Variants in ZNF254 observed in about 807,000 individuals in gnomAD.
ZNF254 encodes CTD-2017D11.1.
ZNF254 carries 10 observed loss-of-function variants against 12.4 expected under a neutral mutation model. The ratio of observed to expected loss-of-function variants is 0.80; its 90% CI spans 0.50 to 1.36. The LOEUF is 1.36. ZNF254 is among the 40% of genes most tolerant of loss of function. ZNF254 has a pLI of 0.00. For synonymous variants in ZNF254, 305 were observed against 253.4 expected (o/e 1.20, Z -1.93); for missense variants, 996 against 763.9 (o/e 1.30, Z -3.58).
In ZNF254 at chr19:24,049,230, T is replaced by TTTA. The variant is rs1555751754; in HGVS notation, c.-94+2951_-94+2952insTTA. On this transcript the variant is annotated intron_variant, in intron 2 of 4. Coordinates refer to the ZNF254 transcript ENST00000613065. ...TATATATATATTTTTTTTTTTTTTT[T>TTTA]AATTTATTTATTATTTTTTAATATA... Among the ~76,000 whole-genome samples, 10 of 121,144 alleles carry TTTA rather than the reference T, an allele frequency of 8.3e-5. No individual in the cohort carries two copies. The East Asian group carries it at 2.5e-3, about 30-fold the overall frequency. The allele number at this position is 121,144 out of a possible 152,430, so 79.5% of individuals were successfully genotyped here. A position where few individuals can be genotyped will look rare whatever the true frequency, so the allele number is the denominator to read the frequency against.
chr19:24,034,646 G>A (rs1446202064), intron 1 of ZNF254, among the ~76,000 whole-genome samples: 1 of 151,602 alleles, frequency 6.6e-6, no homozygotes, highest in Non-Finnish European at 1.5e-5. Flanking sequence ...CAGGCGACCC[G>A]ACGCCCAGCT....
At chr19:24,057,364 G>C (rs17272037) in intron 2 of ZNF254, among the ~76,000 whole-genome samples, 22,576 of 152,156 alleles carry the variant, frequency 0.15, 1,936 homozygotes, top group Middle Eastern at 0.23. Context: ...AGCTTATAGG[G>C]AGGTAACAAC....
chr19:24,086,566 C>T (rs1972048404), upstream of ZNF254, among the ~76,000 whole-genome samples: 1 of 152,094 alleles, frequency 6.6e-6, no homozygotes, highest in Admixed American at 6.5e-5. Context: ...CAGCCTCCAC[C>T]TCCCAGGTTC....
chr19:24,126,122 A>G lies in ZNF254; in HGVS notation c.254-132A>G, dbSNP rs1974816622. ...TTGTTACATTTATGTCTATGAAAGAATTAGAGCCTGTGGTATTTTGCAATG... is the reference window on the plus strand; with the variant it reads ...TTGTTACATTTATGTCTATGAAAGAGTTAGAGCCTGTGGTATTTTGCAATG... On this transcript the variant is annotated intron_variant, in intron 3 of 3. Transcript: ENST00000357002. 9.3e-6 allele frequency: 5 copies of G among 535,358 alleles called. No homozygotes were observed. In the East Asian group the frequency reaches 1.7e-4, roughly 18 times the overall value. 33.2% of individuals were successfully genotyped at this position (535,358 alleles called of 1,614,324 possible).
chr19:24,094,285 A>G (rs560689759), intron 1 of ZNF254, among the ~76,000 whole-genome samples: 89 of 152,096 alleles, frequency 5.9e-4, no homozygotes, highest in African/African-American at 1.9e-3. Flanking sequence ...TTTTTTTGAG[A>G]TGGAGTCTTG....
intron 3 of ZNF254, among the ~76,000 whole-genome samples, chr19:24,125,147 G>A (rs1974741154): frequency 6.6e-6 from 1 of 151,026 alleles, no homozygotes. Flanking sequence ...TTTTGAAATT[G>A]TGCTTATGTA....
upstream of ZNF254, among the ~76,000 whole-genome samples, chr19:24,084,898 A>G (rs1402247004): frequency 1.4e-5 from 2 of 147,036 alleles, no homozygotes; most frequent in African/African-American, 5.0e-5. Context: ...AAGTGCTGGG[A>G]TTATAAACAT....
chr19:24,034,074 C>G (rs1969865985), intron 1 of ZNF254, among the ~76,000 whole-genome samples: 1 of 152,146 alleles, frequency 6.6e-6, no homozygotes, highest in East Asian at 1.9e-4. Context: ...TCTCGTGCCT[C>G]AGCCCTCCGA....
chr19:24,119,119 A>G (rs1974307739), intron 3 of ZNF254, among the ~76,000 whole-genome samples: 1 of 151,798 alleles, frequency 6.6e-6, no homozygotes. Flanking sequence ...CTTCAAAAAC[A>G]AAAAAAGTTA....
chr19:24,050,094 A>G (rs1461918003), intron 2 of ZNF254, among the ~76,000 whole-genome samples: 2 of 151,802 alleles, frequency 1.3e-5, no homozygotes, highest in Admixed American at 6.6e-5. Context: ...CCTGCCTACA[A>G]GGTGCATTGT....
At chr19:24,108,491 C>G (rs1269474618) in intron 3 of ZNF254, among the ~76,000 whole-genome samples, 2 of 152,090 alleles carry the variant, frequency 1.3e-5, no homozygotes, top group Non-Finnish European at 2.9e-5. Context: ...TCTCAGAGTT[C>G]TTTTAAAGGC....
chr19:24,049,205 TATA>T (rs1420508737), intron 2 of ZNF254, among the ~76,000 whole-genome samples: 12 of 59,988 alleles, frequency 2.0e-4, no homozygotes, highest in African/African-American at 6.8e-4. Flanking sequence ...TATATATATA[TATA>T]TATATATTTT....
rs141594384 is a variant in ZNF254 at position 24,097,782 on chromosome 19, A to AAAAATAAAATAAAATAAAAT, written c.31-8131_31-8112dup. On this transcript the variant is annotated intron_variant, in intron 1 of 3. Transcript: ENST00000357002. Reference sequence around the variant, plus strand: ...GGCAACAAAAGCAAAACTCTATCTCAAAAATAAAATAAAATAAAATAAAAT... The same window carrying AAAAATAAAATAAAATAAAAT: ...GGCAACAAAAGCAAAACTCTATCTCAAAAATAAAATAAAATAAAATAAAATAAAATAAAATAAAATAAAAT... 3.9e-3 allele frequency among the ~76,000 whole-genome samples: 557 copies of AAAAATAAAATAAAATAAAAT among 144,114 alleles called. 5 individuals are homozygous for AAAAATAAAATAAAATAAAAT. The highest frequency in any genetic ancestry group is 6.3e-3 in the Non-Finnish European group (414 of 66,044). 94.5% of individuals were successfully genotyped at this position (144,114 alleles called of 152,430 possible).
At chr19:24,046,877 T>TC (rs368749543) in intron 2 of ZNF254, among the ~76,000 whole-genome samples, 7 of 150,298 alleles carry the variant, frequency 4.7e-5, no homozygotes, top group Non-Finnish European at 8.9e-5. Context: ...TTTTTTTTTT[T>TC]CCCTTGAGAT....
At chr19:24,109,148 A>G (rs1973511985) in intron 3 of ZNF254, among the ~76,000 whole-genome samples, 1 of 152,226 alleles carries the variant, frequency 6.6e-6, no homozygotes, top group Non-Finnish European at 1.5e-5. Context: ...CAGTAGTTTT[A>G]TTTTGTGTAA....
chr19:24,128,040 T>G lies in ZNF254; in HGVS notation c.*60T>G. On this transcript the variant is annotated 3_prime_UTR_variant, in exon 4 of 4. Transcript: ENST00000357002. The stretch of plus-strand genomic sequence containing the variant: ...TTAATAGATATAAGATTATTCCTAC[T>G]GGAGAGAAACTACAAACCTGAGAGA... 6.9e-7 allele frequency: 1 copy of G among 1,449,724 alleles called. No individual in the cohort carries two copies. The highest frequency in any genetic ancestry group is 9.1e-7 in the Non-Finnish European group (1 of 1,102,886). 89.8% of individuals were successfully genotyped at this position (1,449,724 alleles called of 1,614,324 possible).
intron 2 of ZNF254, among the ~76,000 whole-genome samples, chr19:24,059,851 G>A (rs1258477716): frequency 6.6e-6 from 1 of 152,030 alleles, no homozygotes; most frequent in South Asian, 2.1e-4. Context: ...TATGAATATT[G>A]GACGTATCTC....
chr19:24,072,369 G>A (rs911498920), intron 2 of ZNF254, among the ~76,000 whole-genome samples: 5 of 151,828 alleles, frequency 3.3e-5, no homozygotes, highest in South Asian at 2.1e-4. Context: ...ATGGGGTTTC[G>A]CCATGTTGGC....
At chr19:24,097,944 G>T (rs1168026791) in intron 1 of ZNF254, among the ~76,000 whole-genome samples, 1 of 152,056 alleles carries the variant, frequency 6.6e-6, no homozygotes, top group Non-Finnish European at 1.5e-5. Context: ...GTTATGCAGT[G>T]TTTGTAGACA....
Sources: gnomAD v4.1 joint callset for allele counts (sites outside exome capture counted in the v4.1 genomes callset) on GRCh38, gnomAD v4.1.1 for gene constraint, MANE v1.5 for transcripts, NCBI Gene and HGNC (gene_info 2026-07-23, HGNC 2026-07-21) for gene names.